The following RFX3 variants were observed in gnomAD, a reference collection of about 807,000 sequenced individuals.
The protein encoded by RFX3 is transcription factor RFX3.
Under a neutral mutation model 98.6 loss-of-function variants are expected in RFX3, and 14 were observed. That is an observed-to-expected ratio of 0.14 (90% CI 0.09 to 0.22). The LOEUF (loss-of-function observed/expected upper bound fraction) is 0.22. RFX3 is among the 10% of genes least tolerant of loss of function. The pLI, the probability that RFX3 is intolerant of heterozygous loss-of-function variation, is 1.00. For synonymous variants in RFX3, 383 were observed against 328.4 expected (o/e 1.17, Z -1.80); for missense variants, 639 against 926.9 (o/e 0.69, Z 4.03).
At chr9:3,341,830 T>C (rs1833920743) in intron 3 of RFX3, among the ~76,000 whole-genome samples, 2 of 152,304 alleles carry the variant, frequency 1.3e-5, no homozygotes, top group South Asian at 4.2e-4. Context: ...CCAGTCAGAA[T>C]GTGTACATAC....
intron 1 of RFX3, among the ~76,000 whole-genome samples, chr9:3,512,949 T>C (rs1817787719): frequency 6.6e-6 from 1 of 152,076 alleles, no homozygotes; most frequent in African/African-American, 2.4e-5. Context: ...GTCCTTTTTG[T>C]AACCCTCTAC....
At chr9:3,226,694 C>A (rs948835992) in intron 16 of RFX3, among the ~76,000 whole-genome samples, 1 of 152,018 alleles carries the variant, frequency 6.6e-6, no homozygotes, top group Non-Finnish European at 1.5e-5. Context: ...GGTTGGAGGG[C>A]TACAGGGAGA....
chr9:3,349,270 A>G (rs1012877256), intron 2 of RFX3, among the ~76,000 whole-genome samples: 2 of 152,006 alleles, frequency 1.3e-5, no homozygotes, highest in African/African-American at 4.8e-5. Context: ...TAAAAATATC[A>G]TATTACTAAT....
intron 9 of RFX3, among the ~76,000 whole-genome samples, chr9:3,272,858 G>C (rs1466870207): frequency 2.6e-5 from 4 of 152,046 alleles, no homozygotes; most frequent in Non-Finnish European, 5.9e-5. Flanking sequence ...TAAACAAATT[G>C]TGAGAATTCC....
At chr9:3,504,264 T>C (rs929566971) in intron 1 of RFX3, among the ~76,000 whole-genome samples, 2 of 130,756 alleles carry the variant, frequency 1.5e-5, no homozygotes, top group Non-Finnish European at 3.1e-5. Context: ...ATATAATATA[T>C]ACTATATTGT....
chr9:3,488,113 T>G (rs990308764), intron 1 of RFX3, among the ~76,000 whole-genome samples: 2 of 152,108 alleles, frequency 1.3e-5, no homozygotes, highest in African/African-American at 4.8e-5. Context: ...CTTCCTTACT[T>G]CACATACTAC....
intron 15 of RFX3, among the ~76,000 whole-genome samples, chr9:3,233,830 G>C (rs1044765503): frequency 4.4e-5 from 2 of 45,376 alleles, no homozygotes; most frequent in Non-Finnish European, 1.1e-4. Context: ...ATAGTGCCTG[G>C]CACATAAGGA....
At chr9:3,451,032 G>C (rs1425458641) in intron 1 of RFX3, among the ~76,000 whole-genome samples, 1 of 152,084 alleles carries the variant, frequency 6.6e-6, no homozygotes, top group African/African-American at 2.4e-5. Flanking sequence ...AGTGAAGCAG[G>C]AAATATAAAA....
chr9:3,226,932 C>A (rs775391127), intron 16 of RFX3, among the ~76,000 whole-genome samples: 3 of 151,966 alleles, frequency 2.0e-5, no homozygotes, highest in Non-Finnish European at 2.9e-5. Flanking sequence ...AGCAAATATC[C>A]CTTATATTAT....
intron 2 of RFX3, among the ~76,000 whole-genome samples, chr9:3,392,182 T>A (rs1288611879): frequency 6.6e-6 from 1 of 152,100 alleles, no homozygotes; most frequent in Non-Finnish European, 1.5e-5. Flanking sequence ...GCGTCTTATA[T>A]CCACATTTTA....
At chr9:3,367,458 G>A (rs1242123424) in intron 2 of RFX3, among the ~76,000 whole-genome samples, 1 of 152,188 alleles carries the variant, frequency 6.6e-6, no homozygotes, top group African/African-American at 2.4e-5. Flanking sequence ...AGTCTTGTGA[G>A]ACATGGAACA....
chr9:3,241,923 C>A (rs1486538940), intron 15 of RFX3, among the ~76,000 whole-genome samples: 1 of 152,138 alleles, frequency 6.6e-6, no homozygotes, highest in East Asian at 1.9e-4. Flanking sequence ...GGAAAAAAAA[C>A]TCTGAAACAA....
At chr9:3,516,998 G>C (rs1818248805) in intron 1 of RFX3, among the ~76,000 whole-genome samples, 1 of 152,188 alleles carries the variant, frequency 6.6e-6, no homozygotes. Flanking sequence ...TTTGCTATAG[G>C]TATGGCCATT....
chr9:3,481,488 A>ATTT (rs1564157870), intron 1 of RFX3, among the ~76,000 whole-genome samples: 46 of 151,004 alleles, frequency 3.0e-4, no homozygotes, highest in African/African-American at 1.1e-3. Flanking sequence ...ACATTTTTTA[A>ATTT]AAAAAAAAAT....
chr9:3,293,349 T>G, intron 5 of RFX3, 91 bp from the exon 6 acceptor site: 1 of 901,700 alleles, frequency 1.1e-6, no homozygotes, highest in Non-Finnish European at 1.7e-6. Flanking sequence ...CAGAAATACT[T>G]AGAAGTTCTT....
intron 13 of RFX3, among the ~76,000 whole-genome samples, chr9:3,261,772 T>C (rs755914769): frequency 9.9e-5 from 15 of 152,180 alleles, no homozygotes; most frequent in Non-Finnish European, 1.9e-4. Flanking sequence ...CAGCAGTGTA[T>C]GAGGTTCCAA....
At chr9:3,264,561 T>C (rs961534591) in intron 12 of RFX3, among the ~76,000 whole-genome samples, 1 of 152,192 alleles carries the variant, frequency 6.6e-6, no homozygotes, top group Non-Finnish European at 1.5e-5. Context: ...CTGGGTTAAG[T>C]GCCTTACATA....
At chr9:3,486,128 C>CAAAAAAAAA (rs772747349) in intron 1 of RFX3, among the ~76,000 whole-genome samples, 71 of 49,116 alleles carry the variant, frequency 1.4e-3, no homozygotes, top group African/African-American at 2.3e-3. Flanking sequence ...TGTCTCAAAC[C>CAAAAAAAAA]AAAAAAAAAA....
In RFX3 at chr9:3,467,181, T is replaced by C. The variant is rs150613224; in HGVS notation, c.-9+58566A>G. On this transcript the variant is annotated intron_variant, in intron 1 of 16. Transcript: ENST00000617270. Reference sequence around the variant, plus strand: ...TGTATATACGTATATAATGTATATATGTATATACATATATAATGTATGTGT... The same window carrying C: ...TGTATATACGTATATAATGTATATACGTATATACATATATAATGTATGTGT... Among the ~76,000 whole-genome samples the C allele has an allele frequency of 5.7e-3, 808 of 142,408 alleles. 12 individuals carry two copies. The highest frequency in any genetic ancestry group is 0.016 in the African/African-American group (607 of 37,642). 93.4% of individuals were successfully genotyped at this position (142,408 alleles called of 152,430 possible).
Sources: gnomAD v4.1 joint callset for allele counts (sites outside exome capture counted in the v4.1 genomes callset) on GRCh38, gnomAD v4.1.1 for gene constraint, MANE v1.5 for transcripts, NCBI Gene and HGNC (gene_info 2026-07-23, HGNC 2026-07-21) for gene names.